SNX29: variants seen among roughly 807,000 people sequenced by gnomAD.
The protein encoded by SNX29 is sorting nexin-29.
SNX29 carries 78 observed loss-of-function variants against 102.1 expected under a neutral mutation model. That is an observed-to-expected ratio of 0.76 (90% CI 0.64 to 0.92). The LOEUF (loss-of-function observed/expected upper bound fraction) is 0.92. Among genes scored for constraint, SNX29 ranks in the 40% least tolerant of loss-of-function variants. The pLI, the probability that SNX29 is intolerant of heterozygous loss-of-function variation, is 0.00. For synonymous variants in SNX29, 580 were observed against 414.5 expected, an observed-to-expected ratio of 1.40 and a Z score of -4.85; for missense variants, 1,280 against 1,061.7, an observed-to-expected ratio of 1.21 and a Z score of -2.86.
At chr16:12,207,931 T>C (rs1159381798) in intron 14 of SNX29, among the ~76,000 whole-genome samples, 1 of 152,024 alleles carries the variant, frequency 6.6e-6, no homozygotes, top group African/African-American at 2.4e-5. Flanking sequence ...ACATGCAGGT[T>C]TTTTCTTCTT....
At chr16:11,980,543 C>T (rs1555511795) in intron 1 of SNX29, among the ~76,000 whole-genome samples, 1 of 152,126 alleles carries the variant, frequency 6.6e-6, no homozygotes, top group Admixed American at 6.6e-5. Flanking sequence ...AGTGGAATTG[C>T]AGGGTCATAT....
At chr16:12,540,245 C>G (rs914682766) in intron 20 of SNX29, among the ~76,000 whole-genome samples, 1 of 152,128 alleles carries the variant, frequency 6.6e-6, no homozygotes, top group Non-Finnish European at 1.5e-5. Flanking sequence ...CCCGCTCCCC[C>G]CACCCCCAGC....
chr16:12,526,705 C>G (rs2076793319), intron 20 of SNX29: 1 of 488,414 alleles, frequency 2.0e-6, no homozygotes, highest in South Asian at 1.7e-5. Flanking sequence ...ACTGAGTTAG[C>G]CAGTTGTTCC....
chr16:12,287,313 C>A (rs986392837), intron 15 of SNX29, among the ~76,000 whole-genome samples: 3 of 152,222 alleles, frequency 2.0e-5, no homozygotes, highest in East Asian at 1.9e-4. Flanking sequence ...AAACAGACTC[C>A]TTCCCTAAGG....
At chr16:12,361,071 C>T (rs1382862464) in intron 16 of SNX29, among the ~76,000 whole-genome samples, 1 of 152,212 alleles carries the variant, frequency 6.6e-6, no homozygotes, top group African/African-American at 2.4e-5. Flanking sequence ...GCCCTGCCAC[C>T]CGTGTTGCAC....
In SNX29 at chr16:12,118,333, T is replaced by TC. The variant is rs1380011896; in HGVS notation, c.1403-8300_1403-8299insC. On this transcript the variant is annotated intron_variant, in intron 11 of 20. Coordinates refer to ENST00000566228, the MANE Select transcript of SNX29 (RefSeq NM_032167.5). ...ACCACCTTTTTTTTTTTTTTTTTTT[T>TC]TTTATGAGATGGAGTCTTGCTCTGT... 2.4e-3 allele frequency among the ~76,000 whole-genome samples: 343 copies of TC among 143,710 alleles called. 3 individuals are homozygous for TC. The highest frequency in any genetic ancestry group is 8.5e-3 in the African/African-American group (322 of 38,058). The allele number at this position is 143,710 out of a possible 152,430, so 94.3% of individuals were successfully genotyped here.
chr16:12,426,352 G>T (rs1164606931), intron 18 of SNX29, among the ~76,000 whole-genome samples: 2 of 152,196 alleles, frequency 1.3e-5, no homozygotes, highest in African/African-American at 4.8e-5. Flanking sequence ...GTAAGAGACA[G>T]TGGCAGGCCT....
chr16:12,209,699 A>T (rs916794336), intron 14 of SNX29, among the ~76,000 whole-genome samples: 2 of 152,222 alleles, frequency 1.3e-5, no homozygotes, highest in African/African-American at 4.8e-5. Context: ...TGAGACCAGC[A>T]GTGGCCCCAA....
At chr16:12,219,580 G>A (rs2077420854) in intron 14 of SNX29, among the ~76,000 whole-genome samples, 4 of 152,204 alleles carry the variant, frequency 2.6e-5, no homozygotes, top group Admixed American at 2.6e-4. Flanking sequence ...GTGTACTTAA[G>A]TTTGATGTTC....
At chr16:12,407,301 G>A (rs1303522838) in intron 18 of SNX29, among the ~76,000 whole-genome samples, 1 of 151,704 alleles carries the variant, frequency 6.6e-6, no homozygotes, top group African/African-American at 2.4e-5. Flanking sequence ...GCCTTTGGCA[G>A]GTGACAAGCT....
chr16:12,558,696 C>A (rs1265583833), intron 20 of SNX29, among the ~76,000 whole-genome samples: 4 of 152,168 alleles, frequency 2.6e-5, no homozygotes, highest in Admixed American at 1.3e-4. Flanking sequence ...TTGAATCCAC[C>A]CCCATCCCGT....
intron 15 of SNX29, among the ~76,000 whole-genome samples, chr16:12,312,943 G>A (rs533807920): frequency 6.6e-6 from 1 of 152,074 alleles, no homozygotes; most frequent in Non-Finnish European, 1.5e-5. Flanking sequence ...ATGGCCTTCC[G>A]AGTCAGGGGG....
At chr16:12,011,659 A>G (rs1328864437) in intron 3 of SNX29, among the ~76,000 whole-genome samples, 1 of 152,120 alleles carries the variant, frequency 6.6e-6, no homozygotes. Flanking sequence ...CTAGGCCATA[A>G]TAAACATTAT....
intron 20 of SNX29, among the ~76,000 whole-genome samples, chr16:12,529,399 G>C (rs572938705): frequency 1.3e-5 from 2 of 152,316 alleles, no homozygotes; most frequent in South Asian, 4.1e-4. Flanking sequence ...GGAGATGTGA[G>C]GTACCGTTCG....
intron 19 of SNX29, among the ~76,000 whole-genome samples, chr16:12,522,796 G>C (rs2090149124): frequency 6.6e-6 from 1 of 152,114 alleles, no homozygotes; most frequent in African/African-American, 2.4e-5. Flanking sequence ...CCAGTCTCAG[G>C]TAGTTCCTTA....
At chr16:12,323,812 A>G (rs2081035516) in intron 15 of SNX29, among the ~76,000 whole-genome samples, 1 of 152,142 alleles carries the variant, frequency 6.6e-6, no homozygotes, top group Non-Finnish European at 1.5e-5. Flanking sequence ...CCTCCCTCCC[A>G]GAGATGTTGG....
chr16:12,418,624 C>T lies in SNX29; in HGVS notation c.2037+15095C>T, dbSNP rs146914135. 3.6e-3 allele frequency among the ~76,000 whole-genome samples: 555 copies of T among 152,180 alleles called. 2 individuals carry two copies. Among genetic ancestry groups the T allele is most frequent in the African/African-American group, 0.013 (536 of 41,520 alleles). ...CCACCTCCCGGATTCAAGTGATTCT[C>T]CTGCCTCAGCCTTCTGAGTAGCTGG... On this transcript the variant is annotated intron_variant, in intron 18 of 20. Coordinates refer to ENST00000566228, the MANE Select transcript of SNX29 (RefSeq NM_032167.5).
At chr16:12,444,290 A>C (rs1305667197) in intron 18 of SNX29, among the ~76,000 whole-genome samples, 1 of 151,860 alleles carries the variant, frequency 6.6e-6, no homozygotes, top group Non-Finnish European at 1.5e-5. Context: ...CCTAGCATGT[A>C]GTAAGCACTC....
chr16:11,983,417 C>T (rs570597961), intron 1 of SNX29, among the ~76,000 whole-genome samples: 9 of 152,008 alleles, frequency 5.9e-5, no homozygotes, highest in Non-Finnish European at 1.2e-4. Context: ...ACAGTTTTCT[C>T]CTCGGCACTG....
Sources: gnomAD v4.1 joint callset for allele counts (sites outside exome capture counted in the v4.1 genomes callset) on GRCh38, gnomAD v4.1.1 for gene constraint, MANE v1.5 for transcripts, NCBI Gene and HGNC (gene_info 2026-07-23, HGNC 2026-07-21) for gene names.